Variants in POMP observed in about 807,000 individuals in gnomAD.
POMP encodes the protein proteasome maturation protein, also known as 2510048O06Rik.
A neutral mutation model predicts 20.6 loss-of-function variants in POMP; 12 were observed. The ratio of observed to expected loss-of-function variants is 0.58; its 90% confidence interval spans 0.37 to 0.94. The LOEUF is 0.94. Among genes scored for constraint, POMP ranks in the 40% least tolerant of loss-of-function variants. The pLI is 0.01. For missense variants in POMP, 136 were observed against 161.1 expected (o/e 0.84, Z 0.84); for synonymous variants, 53 against 55.0 (o/e 0.96, Z 0.16).
intron 4 of POMP, among the ~76,000 whole-genome samples, chr13:28,668,969 A>G (rs1641535991): frequency 6.6e-6 from 1 of 152,058 alleles, no homozygotes; most frequent in African/African-American, 2.4e-5. Context: ...CCACCCTCCT[A>G]CCTGTGCTTT....
intron 4 of POMP, among the ~76,000 whole-genome samples, chr13:28,670,160 A>G (rs1884522543): frequency 6.6e-6 from 1 of 152,186 alleles, no homozygotes; most frequent in Non-Finnish European, 1.5e-5. Context: ...CATGAGCTAT[A>G]AACCTATAGG....
intron 5 of POMP, among the ~76,000 whole-genome samples, chr13:28,676,972 G>T (rs1185064125): frequency 1.3e-5 from 2 of 152,138 alleles, no homozygotes; most frequent in African/African-American, 4.8e-5. Context: ...TTTAATAAAT[G>T]CATTTTATTA....
intron 3 of POMP, among the ~76,000 whole-genome samples, chr13:28,667,324 G>A (rs533119060): frequency 3.3e-5 from 5 of 152,182 alleles, no homozygotes; most frequent in Admixed American, 2.6e-4. Context: ...CTGGTAATTC[G>A]AGGCTGTAGT....
chr13:28,675,386 G>A (rs149770574), intron 5 of POMP, among the ~76,000 whole-genome samples: 2,085 of 152,208 alleles, frequency 0.014, 40 homozygotes, highest in Admixed American at 0.017. Flanking sequence ...TAGTCTGCCC[G>A]CCTCAGCCTC....
chr13:28,661,729 A>G (rs1007303140), intron 1 of POMP, among the ~76,000 whole-genome samples: 1 of 152,164 alleles, frequency 6.6e-6, no homozygotes, highest in Non-Finnish European at 1.5e-5. Context: ...TTAGATACAC[A>G]TAGTTTTTAT....
chr13:28,669,653 C>CT (rs11427821), intron 4 of POMP, among the ~76,000 whole-genome samples: 6,760 of 152,250 alleles, frequency 0.044, 501 homozygotes, highest in African/African-American at 0.15. Flanking sequence ...GAACACCACA[C>CT]TTTCCTGATG....
chr13:28,659,133 G>A lies in POMP; in HGVS notation c.-52G>A, dbSNP rs2137786917. The A allele has an allele frequency of 3.2e-6, 5 of 1,572,898 alleles. No homozygotes were observed. The highest frequency in any genetic ancestry group is 4.3e-6 in the Non-Finnish European group (5 of 1,159,692). On this transcript the variant is annotated 5_prime_UTR_variant, in exon 1 of 6. Transcript: ENST00000380842. ...GCCCTCGGAAACGGAAGTGAGCGGC[G>A]GGGTCGACTGACGGTAACGGGGCAG...
chr13:28,675,606 T>C (rs1884615464), intron 5 of POMP, among the ~76,000 whole-genome samples: 1 of 152,204 alleles, frequency 6.6e-6, no homozygotes, highest in Non-Finnish European at 1.5e-5. Context: ...TTTACCCTCA[T>C]TTTTCAGATC....
intron 3 of POMP, among the ~76,000 whole-genome samples, chr13:28,665,925 A>G (rs550578093): frequency 2.0e-5 from 3 of 152,294 alleles, no homozygotes; most frequent in East Asian, 3.9e-4. Context: ...TGGAGGGAAT[A>G]TTTTGATAGG....
chr13:28,672,681 C>T (rs1042068726), intron 5 of POMP, among the ~76,000 whole-genome samples: 6 of 152,090 alleles, frequency 3.9e-5, no homozygotes, highest in East Asian at 3.9e-4. Flanking sequence ...CAGATCACCT[C>T]AGGTCAGGTG....
chr13:28,659,201 C>A lies in POMP; in HGVS notation c.3+14C>A, dbSNP rs756047393. 3 of 1,588,864 alleles carry A rather than the reference C, an allele frequency of 1.9e-6. No homozygotes were observed. The highest frequency in any genetic ancestry group is 2.3e-5 in the East Asian group (1 of 43,150). On this transcript the variant is annotated intron_variant, in intron 1 of 5. Coordinates refer to ENST00000380842, the MANE Select transcript of POMP (RefSeq NM_015932.6). ...CTGCGGAAGATGGTGAGTGGGTACC[C>A]GGGCGGCTGGAGTTCCACGCGGGCT...
chr13:28,670,245 C>T (rs1392525609), intron 4 of POMP, among the ~76,000 whole-genome samples: 1 of 152,186 alleles, frequency 6.6e-6, no homozygotes, highest in Non-Finnish European at 1.5e-5. Flanking sequence ...CAGAATAACT[C>T]ATAATCCCAT....
intron 5 of POMP, among the ~76,000 whole-genome samples, chr13:28,676,201 T>TCA: frequency 6.6e-6 from 1 of 152,202 alleles, no homozygotes; most frequent in East Asian, 1.9e-4. Context: ...AGATGGGGTT[T>TCA]CACCGTGTTA....
chr13:28,664,599 T>C, intron 3 of POMP, 30 bp downstream of exon 3: 3 of 1,250,918 alleles, frequency 2.4e-6, no homozygotes, highest in Non-Finnish European at 3.4e-6. Flanking sequence ...CTTATTTTTA[T>C]CTTCTAATAG....
At chr13:28,661,918 C>T (rs775696002) in intron 1 of POMP, among the ~76,000 whole-genome samples, 6 of 152,160 alleles carry the variant, frequency 3.9e-5, no homozygotes, top group Admixed American at 2.0e-4. Flanking sequence ...CTGTGTTATA[C>T]ACTCTAACCT....
Position 28,659,161 on chromosome 13 carries a change from A to G in POMP, c.-24A>G. 1 of 1,582,956 alleles carries G rather than the reference A, an allele frequency of 6.3e-7. No individual in the cohort carries two copies. The highest frequency in any genetic ancestry group is 8.6e-7 in the Non-Finnish European group (1 of 1,165,438). On this transcript the variant is annotated 5_prime_UTR_variant, in exon 1 of 6. Coordinates refer to ENST00000380842, the MANE Select transcript of POMP (RefSeq NM_015932.6). ...GTCGACTGACGGTAACGGGGCAGAG[A>G]GGCTGTTCGCAGAGCTGCGGAAGAT...
chr13:28,672,465 C>T, intron 5 of POMP, 33 bp downstream of exon 5: 2 of 1,493,424 alleles, frequency 1.3e-6, no homozygotes, highest in Non-Finnish European at 1.9e-6. Context: ...TTATGGAGCC[C>T]TTGTAATTTA....
chr13:28,671,442 T>C (rs1024284994), intron 4 of POMP, among the ~76,000 whole-genome samples: 12 of 134,878 alleles, frequency 8.9e-5, no homozygotes, highest in African/African-American at 4.1e-4. Context: ...TGCCCAGAAT[T>C]CTCTGTCTTT....
At chr13:28,663,999 C>T (rs1346211143) in intron 2 of POMP, among the ~76,000 whole-genome samples, 1 of 152,096 alleles carries the variant, frequency 6.6e-6, no homozygotes, top group East Asian at 1.9e-4. Context: ...GTGATAAAGA[C>T]CAGTGGCCTG....
Sources: allele counts gnomAD v4.1 joint callset (sites outside exome capture counted in the v4.1 genomes callset), GRCh38; gene constraint gnomAD v4.1.1; transcripts MANE v1.5; gene names NCBI Gene and HGNC (gene_info 2026-07-23, HGNC 2026-07-21).